Variants in TSPEAR observed in about 807,000 individuals in gnomAD.
TSPEAR encodes thrombospondin type laminin G domain and EAR repeats.
TSPEAR carries 69 observed loss-of-function variants against 71.6 expected under a neutral mutation model. The ratio of observed to expected loss-of-function variants is 0.96; its 90% confidence interval spans 0.79 to 1.18. TSPEAR has a LOEUF of 1.18. Among genes scored for constraint, TSPEAR ranks in the 50% most tolerant of loss-of-function variants. The pLI is 0.00. For missense variants in TSPEAR, 971 were observed against 894.9 expected, an observed-to-expected ratio of 1.09 and a Z score of -1.09; for synonymous variants, 402 against 387.2, an observed-to-expected ratio of 1.04 and a Z score of -0.45.
chr21:44,638,032 C>T lies in TSPEAR; in HGVS notation c.83-70027G>A, dbSNP rs78352751. The T allele has an allele frequency of 9.9e-4, 1,580 of 1,602,616 alleles. 1 individual carries two copies. The African/African-American group carries it at 0.021, about 22-fold the overall frequency. On this transcript the variant is annotated intron_variant, in intron 1 of 11. Coordinates refer to ENST00000323084, the MANE Select transcript of TSPEAR (RefSeq NM_144991.3). ...TGTGCAAGTCCACCTGCTGCGTGCC[C>T]GTCCCCTCCTGCGGTGCCTCTGCCT...
chr21:44,667,667 T>G (rs1985859194), intron 1 of TSPEAR, among the ~76,000 whole-genome samples: 1 of 152,022 alleles, frequency 6.6e-6, no homozygotes, highest in Admixed American at 6.6e-5. Context: ...ATATAGAAGG[T>G]TCCAAGGGCC....
At chr21:44,602,460 G>T (rs1182208461) in intron 1 of TSPEAR, among the ~76,000 whole-genome samples, 1 of 152,234 alleles carries the variant, frequency 6.6e-6, no homozygotes, top group Non-Finnish European at 1.5e-5. Flanking sequence ...AAACCCCATG[G>T]CCGTGTGCAG....
intron 2 of TSPEAR, among the ~76,000 whole-genome samples, chr21:44,542,301 T>A (rs1383393301): frequency 3.3e-5 from 5 of 152,038 alleles, no homozygotes; most frequent in Non-Finnish European, 7.4e-5. Flanking sequence ...ATAAAGAAAG[T>A]GGAGCAATAA....
Position 44,711,208 on chromosome 21 carries a change from A to AG in TSPEAR, c.82+224_82+225insC, listed in dbSNP as rs1988202305. ...TCGTCCCCACCCTGCGTGCGTTCTA[A>AG]AGAGCCGCGTTTCTATTGCAACTGC... is the stretch of plus-strand genomic sequence containing the variant. On this transcript the variant is annotated intron_variant, in intron 1 of 11. Transcript: ENST00000323084. The surrounding 1 kb of genome is among the most constrained non-coding windows in gnomAD (Gnocchi z 4.5). Among the ~76,000 whole-genome samples, 2 of 151,204 alleles carry AG rather than the reference A, an allele frequency of 1.3e-5. No individual in the cohort carries two copies. Among genetic ancestry groups the AG allele is most frequent in the African/African-American group, 4.9e-5 (2 of 41,144 alleles).
At chr21:44,516,364 G>T (rs2052569983) in intron 9 of TSPEAR, 1 of 152,348 alleles carries the variant, frequency 6.6e-6, no homozygotes, top group African/African-American at 2.4e-5. Flanking sequence ...AGCTGCTCCT[G>T]CTTAGGGTCT....
chr21:44,608,839 T>G (rs745695281), intron 1 of TSPEAR, among the ~76,000 whole-genome samples: 1 of 152,244 alleles, frequency 6.6e-6, no homozygotes, highest in Non-Finnish European at 1.5e-5. Context: ...CATATGCCTA[T>G]CTATGACCAA....
At chr21:44,625,466 A>G (rs11910263) in intron 1 of TSPEAR, among the ~76,000 whole-genome samples, 21,803 of 152,208 alleles carry the variant, frequency 0.14, 3,007 homozygotes, top group African/African-American at 0.36. Context: ...AATATTGATA[A>G]TGGGACTTGA....
intron 1 of TSPEAR, among the ~76,000 whole-genome samples, chr21:44,573,468 T>G (rs114188093): frequency 6.6e-6 from 1 of 152,264 alleles, no homozygotes; most frequent in African/African-American, 2.4e-5. Flanking sequence ...CAGCCTGAAC[T>G]GCCCCTCAGC....
At chr21:44,557,756 C>T (rs1300038062) in intron 2 of TSPEAR, 5 of 461,182 alleles carry the variant, frequency 1.1e-5, no homozygotes, top group Non-Finnish European at 1.9e-5. Context: ...GTTCTTCCCA[C>T]AGGGTTTGCC....
chr21:44,608,947 C>A (rs460380), intron 1 of TSPEAR, among the ~76,000 whole-genome samples: 108,639 of 152,116 alleles, frequency 0.71, 40,400 homozygotes, highest in African/African-American at 0.93. Context: ...AACAGCAGCC[C>A]AAATCTGGAA....
intron 1 of TSPEAR, among the ~76,000 whole-genome samples, chr21:44,639,703 G>A (rs1983912950): frequency 6.6e-6 from 1 of 152,240 alleles, no homozygotes; most frequent in Admixed American, 6.5e-5. Context: ...ACACATGCAT[G>A]TCTGAGCCCC....
intron 1 of TSPEAR, chr21:44,591,972 C>T (rs587718856): frequency 3.0e-4 from 465 of 1,566,622 alleles, no homozygotes; most frequent in African/African-American, 1.2e-3. Context: ...GCTGGCAGCA[C>T]GAAGAGGAAA....
At chr21:44,616,457 A>G (rs925485972) in intron 1 of TSPEAR, among the ~76,000 whole-genome samples, 4 of 151,856 alleles carry the variant, frequency 2.6e-5, no homozygotes, top group Non-Finnish European at 5.9e-5. Context: ...CAGGGCTCTT[A>G]CCTTTCACAG....
At chr21:44,569,730 C>T (rs901847603) in intron 1 of TSPEAR, among the ~76,000 whole-genome samples, 10 of 152,052 alleles carry the variant, frequency 6.6e-5, no homozygotes, top group East Asian at 1.9e-4. Context: ...AAACATGCCA[C>T]GACATAGGGA....
chr21:44,707,978 C>G (rs1657096437), intron 1 of TSPEAR, among the ~76,000 whole-genome samples: 1 of 149,264 alleles, frequency 6.7e-6, no homozygotes, highest in South Asian at 2.2e-4. Flanking sequence ...CCTGTGCCCC[C>G]CGATTCCCCC....
intron 2 of TSPEAR, chr21:44,558,828 C>A: frequency 7.3e-7 from 1 of 1,373,132 alleles, no homozygotes. Flanking sequence ...AACCTTTATA[C>A]CCCTCTGTGT....
At position 44,546,133 on chromosome 21, in the gene TSPEAR, A is replaced by G. The variant is rs2053300118; in HGVS notation, c.304-12210T>C. ...ACATTAATAAAAAGGATTATAAGGA[A>G]TACTATGAAAATTTGTACACCAACA... is the stretch of plus-strand genomic sequence containing the variant. On this transcript the variant is annotated intron_variant, in intron 2 of 11. Transcript: ENST00000323084. This position sits in a 1 kb window ranked among gnomAD's most constrained non-coding sequence, Gnocchi z 4.4. Among the ~76,000 whole-genome samples the G allele has an allele frequency of 6.6e-6, 1 of 152,260 alleles. No homozygotes were observed. Among genetic ancestry groups the G allele is most frequent in the African/African-American group, 2.4e-5 (1 of 41,468 alleles).
rs587608603 is a variant in TSPEAR at position 44,510,979 on chromosome 21, C to T, written c.1567-1593G>A. ...CTATTCCTATCTGCTGGAGAACAGC[C>T]GTCCAGGGCCACCCCACGTCCTTCA... On this transcript the variant is annotated intron_variant, in intron 9 of 11. Transcript: ENST00000323084. 8 of 152,346 alleles carry T rather than the reference C, an allele frequency of 5.3e-5. No homozygotes were observed. In the South Asian group the frequency reaches 8.3e-4, roughly 16 times the overall value. 9.4% of individuals were successfully genotyped at this position (152,346 alleles called of 1,614,324 possible).
chr21:44,651,975 CTTTCTTTTTTT>C (rs782664269), intron 1 of TSPEAR, among the ~76,000 whole-genome samples: 7 of 134,884 alleles, frequency 5.2e-5, no homozygotes, highest in African/African-American at 1.6e-4. Context: ...CTGAATAAAA[CTTTCTTTTTTT>C]TTTTTTTTTT....
Sources: gnomAD v4.1 joint callset for allele counts (sites outside exome capture counted in the v4.1 genomes callset) on GRCh38, gnomAD v4.1.1 for gene constraint, Gnocchi (gnomAD v3.1) non-coding constraint, MANE v1.5 for transcripts, NCBI Gene and HGNC (gene_info 2026-07-23, HGNC 2026-07-21) for gene names.